SYNPR: variants seen among roughly 807,000 people sequenced by gnomAD.
SYNPR encodes synaptoporin.
A neutral mutation model predicts 32.9 loss-of-function variants in SYNPR; 23 were observed. The ratio of observed to expected loss-of-function variants is 0.70; its 90% confidence interval spans 0.50 to 0.99. SYNPR has a LOEUF of 0.99. SYNPR is among the 50% of genes least tolerant of loss of function. The probability of loss-of-function intolerance (pLI) is 0.00; values close to 1 mark genes in which losing one functional copy is unlikely to be tolerated. For missense variants in SYNPR, 318 were observed against 349.3 expected (o/e 0.91, Z 0.71); for synonymous variants, 146 against 135.9 (o/e 1.07, Z -0.52).
intron 3 of SYNPR, among the ~76,000 whole-genome samples, chr3:63,500,965 A>G (rs1701465307): frequency 1.3e-5 from 2 of 152,168 alleles, no homozygotes; most frequent in Admixed American, 6.5e-5. Flanking sequence ...TAATTTGGAA[A>G]ATGAAACTAA....
At chr3:63,480,749 G>A (rs1701030835) in intron 2 of SYNPR, 83 bp from the exon 3 acceptor site, 2 of 1,511,224 alleles carry the variant, frequency 1.3e-6, no homozygotes, top group Non-Finnish European at 8.9e-7. Flanking sequence ...CCTCAATCCA[G>A]ACATTAAGCT....
chr3:63,572,026 C>T (rs939970358), intron 4 of SYNPR, among the ~76,000 whole-genome samples: 2 of 152,190 alleles, frequency 1.3e-5, no homozygotes, highest in Non-Finnish European at 2.9e-5. Flanking sequence ...GAACTCCAAG[C>T]TCCAATGTGT....
chr3:63,219,744 A>AGGG, the SYNPR span, among the ~76,000 whole-genome samples: 349 of 152,350 alleles, frequency 2.3e-3, 2 homozygotes, highest in African/African-American at 8.1e-3. Flanking sequence ...GTGAAAGTAG[A>AGGG]TCATAATGAA....
chr3:63,290,614 C>G (rs1381479581), intron 2 of SYNPR, among the ~76,000 whole-genome samples: 1 of 151,946 alleles, frequency 6.6e-6, no homozygotes, highest in East Asian at 1.9e-4. Context: ...ATAAAAAATT[C>G]AAATTCAGAA....
At chr3:63,507,098 C>T (rs896650038) in intron 3 of SYNPR, among the ~76,000 whole-genome samples, 2 of 151,368 alleles carry the variant, frequency 1.3e-5, no homozygotes, top group African/African-American at 4.9e-5. Context: ...AGTCAGCCGA[C>T]ATCGCACCAT....
intron 2 of SYNPR, among the ~76,000 whole-genome samples, chr3:63,471,508 G>A (rs974245400): frequency 1.1e-4 from 16 of 152,112 alleles, no homozygotes; most frequent in African/African-American, 3.6e-4. Flanking sequence ...ATCAGTAGGA[G>A]AAGAAAAACT....
chr3:63,257,512 A>G (rs1194971852), intron 2 of SYNPR, among the ~76,000 whole-genome samples: 1 of 152,090 alleles, frequency 6.6e-6, no homozygotes, highest in African/African-American at 2.4e-5. Context: ...ACAGACAAGC[A>G]AATGCTGAGA....
At position 63,278,753 on chromosome 3, in the gene SYNPR, G is replaced by C. The variant is rs781694472; in HGVS notation, c.84+11G>C. The stretch of plus-strand genomic sequence containing the variant: ...CGAGCCCTGGAATTGGTGAGTAGCA[G>C]TGTGTGTGCAGGGAGGGGCGCCAGG... On this transcript the variant is annotated intron_variant, in intron 2 of 5. Transcript: ENST00000478300. 4 of 1,551,524 alleles carry C rather than the reference G, an allele frequency of 2.6e-6. No homozygotes were observed. The highest frequency in any genetic ancestry group is 1.2e-5 in the South Asian group (1 of 84,062).
intron 2 of SYNPR, among the ~76,000 whole-genome samples, chr3:63,322,481 G>T (rs1177142583): frequency 6.6e-6 from 1 of 152,020 alleles, no homozygotes; most frequent in Non-Finnish European, 1.5e-5. Flanking sequence ...CTTAAATCCA[G>T]GTTGGCCTGC....
At chr3:63,483,392 T>A (rs1037482279) in intron 3 of SYNPR, among the ~76,000 whole-genome samples, 2 of 152,146 alleles carry the variant, frequency 1.3e-5, no homozygotes, top group Non-Finnish European at 2.9e-5. Context: ...AAATGCACAA[T>A]ATAATTTTAA....
chr3:63,487,593 C>T (rs1701180420), intron 3 of SYNPR, among the ~76,000 whole-genome samples: 1 of 152,170 alleles, frequency 6.6e-6, no homozygotes. Flanking sequence ...ATGGGATCTT[C>T]CCCAACCCTG....
chr3:63,494,990 G>A (rs1044218807), intron 3 of SYNPR, among the ~76,000 whole-genome samples: 1 of 152,122 alleles, frequency 6.6e-6, no homozygotes, highest in Non-Finnish European at 1.5e-5. Context: ...TGTTTTCCTT[G>A]GGACTCAGAA....
intron 4 of SYNPR, among the ~76,000 whole-genome samples, chr3:63,594,909 C>T (rs367826035): frequency 6.6e-6 from 1 of 152,146 alleles, no homozygotes; most frequent in African/African-American, 2.4e-5. Flanking sequence ...TCTTCTGTCC[C>T]TTACCACTTC....
At chr3:63,403,745 G>C (rs1436881762) in intron 2 of SYNPR, among the ~76,000 whole-genome samples, 1 of 152,118 alleles carries the variant, frequency 6.6e-6, no homozygotes, top group Non-Finnish European at 1.5e-5. Flanking sequence ...AGAACATGAT[G>C]GGGGAGCTGG....
chr3:63,512,869 G>T (rs1701723714), intron 3 of SYNPR, among the ~76,000 whole-genome samples: 1 of 152,060 alleles, frequency 6.6e-6, no homozygotes, highest in South Asian at 2.1e-4. Context: ...AAACTAATAC[G>T]GGGTTCAAAA....
At chr3:63,270,565 A>G (rs1041301841) in intron 3 of SYNPR, among the ~76,000 whole-genome samples, 2 of 152,194 alleles carry the variant, frequency 1.3e-5, no homozygotes, top group African/African-American at 4.8e-5. Context: ...GATCTGAGAG[A>G]TGTATATTTT....
chr3:63,502,479 A>G (rs1381246921), intron 3 of SYNPR, among the ~76,000 whole-genome samples: 1 of 152,116 alleles, frequency 6.6e-6, no homozygotes, highest in Non-Finnish European at 1.5e-5. Context: ...GTACAATGAC[A>G]TATAATCACC....
chr3:63,222,505 C>A, the SYNPR span, among the ~76,000 whole-genome samples: 2 of 151,988 alleles, frequency 1.3e-5, no homozygotes, highest in Non-Finnish European at 2.9e-5. Context: ...CTTGATGAGA[C>A]AACCAGTTTT....
chr3:63,461,646 T>C (rs1402335039), intron 2 of SYNPR, among the ~76,000 whole-genome samples: 1 of 151,886 alleles, frequency 6.6e-6, no homozygotes, highest in African/African-American at 2.4e-5. Flanking sequence ...TCTGCTTGTC[T>C]TTACTTCAAT....
Sources: allele counts gnomAD v4.1 joint callset (sites outside exome capture counted in the v4.1 genomes callset), GRCh38; gene constraint gnomAD v4.1.1; transcripts MANE v1.5; gene names NCBI Gene and HGNC (gene_info 2026-07-23, HGNC 2026-07-21).